PRIM2: variants seen among roughly 807,000 people sequenced by gnomAD.
PRIM2 encodes the protein DNA primase large subunit.
PRIM2 carries 39 observed loss-of-function variants against 67.3 expected under a neutral mutation model. The observed-to-expected ratio is 0.58, with a 90% CI of 0.45 to 0.76. PRIM2 has a LOEUF of 0.76. PRIM2 is among the 30% of genes least tolerant of loss of function. The probability of loss-of-function intolerance (pLI) is 0.00; values close to 1 mark genes in which losing one functional copy is unlikely to be tolerated. For missense variants in PRIM2, 398 were observed against 598.7 expected, an observed-to-expected ratio of 0.66 and a Z score of 3.50; for synonymous variants, 143 against 198.7, an observed-to-expected ratio of 0.72 and a Z score of 2.36.
At position 57,320,458 on chromosome 6, in the gene PRIM2, G is replaced by A. The variant is rs1278130537; in HGVS notation, c.156G>A (p.Leu52=). ...FENLAIDRVK[L]LKSVENLGVS... ...TTATACCTTTTTTCTTTTTTTTAGT[G>A]TTAAAATCAGTTGAAAATCTTGGAG... The change falls in exon 3 of 14, where the codon TTG becomes TTA. Residue 52 remains leucine, a splice_region_variant and synonymous_variant. Transcript: ENST00000615550. 7 of 1,587,172 alleles carry A rather than the reference G, an allele frequency of 4.4e-6. No individual in the cohort carries two copies. The highest frequency in any genetic ancestry group is 1.4e-5 in the African/African-American group (1 of 73,744).
chr6:57,508,761 T>C (rs1774299942), intron 8 of PRIM2, among the ~76,000 whole-genome samples: 1 of 152,174 alleles, frequency 6.6e-6, no homozygotes, highest in Admixed American at 6.5e-5. Flanking sequence ...AATAATTCAT[T>C]TTCCTTATTT....
chr6:57,324,320 C>T, intron 4 of PRIM2, 40 bp downstream of exon 4: 4 of 1,291,928 alleles, frequency 3.1e-6, no homozygotes, highest in Non-Finnish European at 4.4e-6. Flanking sequence ...AATCTGGTGT[C>T]ATGGGTTATA....
Position 57,563,084 on chromosome 6 carries a change from T to C in PRIM2, c.1020+25459T>C, listed in dbSNP as rs1300573693. Among the ~76,000 whole-genome samples the C allele has an allele frequency of 5.3e-3, 810 of 152,224 alleles. 6 individuals are homozygous for C. The highest frequency in any genetic ancestry group is 0.019 in the African/African-American group (780 of 41,534). On this transcript the variant is annotated intron_variant, in intron 10 of 13. Coordinates refer to ENST00000615550, the MANE Select transcript of PRIM2 (RefSeq NM_000947.5). ...TCTTAATGCCCTATAGAATTTCATG[T>C]CCCACGTCTTGAGAGAGGTGATTTT...
intron 10 of PRIM2, among the ~76,000 whole-genome samples, chr6:57,582,409 A>T (rs1776105111): frequency 2.0e-5 from 3 of 152,140 alleles, no homozygotes; most frequent in Admixed American, 2.0e-4. Flanking sequence ...CTTGATAATT[A>T]TAGGAAGTTG....
the PRIM2 span, among the ~76,000 whole-genome samples, chr6:57,306,197 T>C: frequency 6.6e-6 from 1 of 152,172 alleles, no homozygotes; most frequent in Non-Finnish European, 1.5e-5. Context: ...AGCAAAGATA[T>C]TGGATTAAAC....
At position 57,335,006 on chromosome 6, in the gene PRIM2, A is replaced by G. The variant is rs1217995311; in HGVS notation, c.459+8961A>G. Among the ~76,000 whole-genome samples, 4 of 152,294 alleles carry G rather than the reference A, an allele frequency of 2.6e-5. No homozygotes were observed. The East Asian group carries it at 5.8e-4, about 22-fold the overall frequency. ...TGGGCGCAGGTCAGTGGGTGCGCGC[A>G]CCGTGCACGAGCCGAAGCAGGGCGA... On this transcript the variant is annotated intron_variant, in intron 5 of 13. Transcript: ENST00000615550.
chr6:57,598,000 A>G (rs1485578895), intron 10 of PRIM2, among the ~76,000 whole-genome samples: 7 of 152,220 alleles, frequency 4.6e-5, no homozygotes, highest in Non-Finnish European at 1.0e-4. Context: ...TATCCATTTT[A>G]TAAGTTAAAG....
chr6:57,342,972 G>A (rs544156655), intron 5 of PRIM2, among the ~76,000 whole-genome samples: 127 of 152,040 alleles, frequency 8.4e-4, no homozygotes, highest in African/African-American at 2.7e-3. Context: ...TGTCATTCTT[G>A]GTTGGTAATT....
At chr6:57,427,783 T>C (rs1273518640) in intron 7 of PRIM2, among the ~76,000 whole-genome samples, 1 of 152,190 alleles carries the variant, frequency 6.6e-6, no homozygotes, top group African/African-American at 2.4e-5. Flanking sequence ...GAATACTTTC[T>C]GAGATGGCAG....
intron 7 of PRIM2, among the ~76,000 whole-genome samples, chr6:57,464,341 G>A (rs1271107035): frequency 2.4e-4 from 37 of 151,738 alleles, no homozygotes; most frequent in Admixed American, 2.4e-3. Context: ...GCAATGGCGT[G>A]ATCTCAGCTC....
intron 7 of PRIM2, among the ~76,000 whole-genome samples, chr6:57,457,276 C>G (rs1194860112): frequency 6.6e-6 from 1 of 152,204 alleles, no homozygotes; most frequent in African/African-American, 2.4e-5. Flanking sequence ...TCTCAGATCT[C>G]CAGCTGCGTG....
intron 8 of PRIM2, among the ~76,000 whole-genome samples, chr6:57,509,049 G>A (rs1774306057): frequency 6.6e-6 from 1 of 151,820 alleles, no homozygotes; most frequent in African/African-American, 2.4e-5. Context: ...GAAAGTTTTA[G>A]TTTTAGTTTT....
At chr6:57,492,385 A>G (rs1361435108) in intron 7 of PRIM2, among the ~76,000 whole-genome samples, 1 of 151,976 alleles carries the variant, frequency 6.6e-6, no homozygotes, top group Non-Finnish European at 1.5e-5. Context: ...TCTACTAAAA[A>G]TACAAAAATT....
the PRIM2 span, among the ~76,000 whole-genome samples, chr6:57,272,260 T>C: frequency 2.0e-5 from 3 of 152,228 alleles, no homozygotes; most frequent in Admixed American, 6.5e-5. Flanking sequence ...TGTGTGGTAG[T>C]GTAAGTCTTT....
intron 10 of PRIM2, among the ~76,000 whole-genome samples, chr6:57,539,004 CTATA>C (rs1352753917): frequency 7.9e-5 from 12 of 152,202 alleles, no homozygotes; most frequent in Non-Finnish European, 1.6e-4. Flanking sequence ...GTGTGTGTAG[CTATA>C]TACTTTATTA....
the PRIM2 span, among the ~76,000 whole-genome samples, chr6:57,279,842 G>A: frequency 1.3e-5 from 2 of 152,170 alleles, no homozygotes; most frequent in African/African-American, 2.4e-5. Context: ...TAGAGAGGAG[G>A]CAGGGAAGTC....
At chr6:57,319,072 GAGA>G (rs1169436983) in intron 2 of PRIM2, among the ~76,000 whole-genome samples, 3 of 152,206 alleles carry the variant, frequency 2.0e-5, no homozygotes, top group Non-Finnish European at 2.9e-5. Context: ...TTTTCCAGCA[GAGA>G]AGAAGTGAAG....
At chr6:57,272,249 T>C in the PRIM2 span, among the ~76,000 whole-genome samples, 2 of 152,292 alleles carry the variant, frequency 1.3e-5, no homozygotes, top group African/African-American at 4.8e-5. Flanking sequence ...CCCATTATTA[T>C]TGTGTGGTAG....
intron 10 of PRIM2, among the ~76,000 whole-genome samples, chr6:57,581,216 C>T (rs1212522007): frequency 6.6e-6 from 1 of 152,062 alleles, no homozygotes; most frequent in Non-Finnish European, 1.5e-5. Flanking sequence ...ACCATTTATT[C>T]AAGCTGAGCC....
Sources: allele counts gnomAD v4.1 joint callset (sites outside exome capture counted in the v4.1 genomes callset), GRCh38; gene constraint gnomAD v4.1.1; transcripts MANE v1.5; gene names NCBI Gene and HGNC (gene_info 2026-07-23, HGNC 2026-07-21).